Variants in WT1 observed in about 807,000 individuals in gnomAD.
WT1 encodes the protein WT1 transcription factor.
In WT1, 8 loss-of-function variants were observed where a neutral mutation model predicts 60.8. The ratio of observed to expected loss-of-function variants is 0.13; its 90% CI spans 0.08 to 0.24. The LOEUF (loss-of-function observed/expected upper bound fraction) is 0.24, where lower values mean the gene tolerates loss of function less well. Ranked by LOEUF, WT1 falls within the 10% of genes least tolerant of loss-of-function variation. The pLI, the probability that WT1 is intolerant of heterozygous loss-of-function variation, is 1.00. For synonymous variants in WT1, 312 were observed against 297.1 expected (o/e 1.05, Z -0.52); for missense variants, 568 against 711.8 (o/e 0.80, Z 2.30).
At chr11:32,408,514 TA>T (rs58685266) in intron 5 of WT1, among the ~76,000 whole-genome samples, 832 of 74,190 alleles carry the variant, frequency 0.011, 2 homozygotes, top group Non-Finnish European at 0.018. Flanking sequence ...GACTACGTCT[TA>T]AAAAAAAAAA....
rs767850636 is a variant in WT1 at position 32,392,751 on chromosome 11, C to T, written c.1269G>A (p.Glu423=). Residue 423 remains glutamate (E), a synonymous_variant, in exon 8 of 10, where the codon GAG becomes GAA. Transcript: ENST00000452863. ...CCTTGAAGTCACACTGGTATGGTTT[C>T]TCACCTTGGGGAAGACACATATTCT... The T allele has an allele frequency of 1.4e-5, 22 of 1,613,766 alleles. No individual in the cohort carries two copies. The African/African-American group carries it at 1.6e-4, about 12-fold the overall frequency.
chr11:32,408,514 TAAAAAAAAAAAAAA>T (rs58685266), intron 5 of WT1, among the ~76,000 whole-genome samples: 6 of 74,240 alleles, frequency 8.1e-5, no homozygotes, highest in Non-Finnish European at 1.4e-4. Flanking sequence ...GACTACGTCT[TAAAAAAAAAAAAAA>T]AAAAAAAAAA....
At chr11:32,430,752 G>A in intron 1 of WT1, 1 of 1,341,214 alleles carries the variant, frequency 7.5e-7, no homozygotes, top group South Asian at 2.3e-5. Context: ...AGACCTCGGC[G>A]GGCAAAGACC....
At chr11:32,415,270 T>A (rs1852628573) in intron 5 of WT1, among the ~76,000 whole-genome samples, 1 of 152,118 alleles carries the variant, frequency 6.6e-6, no homozygotes. Context: ...GTTATCAAGT[T>A]CTGAGGAGAG....
At chr11:32,420,474 C>A (rs1852819078) in intron 3 of WT1, among the ~76,000 whole-genome samples, 1 of 152,172 alleles carries the variant, frequency 6.6e-6, no homozygotes, top group South Asian at 2.1e-4. Context: ...TTAATTTGTT[C>A]TAACCTACCA....
At chr11:32,391,149 T>C (rs529609570) in intron 9 of WT1, among the ~76,000 whole-genome samples, 3 of 152,158 alleles carry the variant, frequency 2.0e-5, no homozygotes, top group Admixed American at 2.0e-4. Context: ...CATGCCCAGC[T>C]AGTTTTTGTA....
At chr11:32,430,546 G>A (rs1234815245) in intron 1 of WT1, 2 of 1,597,200 alleles carry the variant, frequency 1.3e-6, no homozygotes, top group Non-Finnish European at 1.7e-6. Flanking sequence ...CCATTCCTGA[G>A]CCCAGGAGTA....
At chr11:32,419,012 C>G (rs1448104562) in intron 3 of WT1, among the ~76,000 whole-genome samples, 3 of 152,144 alleles carry the variant, frequency 2.0e-5, no homozygotes, top group Admixed American at 6.5e-5. Context: ...CACTCATCCC[C>G]GTGTCTGACT....
At chr11:32,395,897 C>A (rs370361648) in intron 7 of WT1, among the ~76,000 whole-genome samples, 9 of 152,172 alleles carry the variant, frequency 5.9e-5, no homozygotes, top group African/African-American at 2.2e-4. Flanking sequence ...TGATCTTGCC[C>A]ATCGACCTCC....
At chr11:32,420,779 G>T (rs969311155) in intron 3 of WT1, among the ~76,000 whole-genome samples, 2 of 152,156 alleles carry the variant, frequency 1.3e-5, no homozygotes, top group South Asian at 2.1e-4. Context: ...AGAAAATGAC[G>T]ATGCTGCAAG....
At chr11:32,429,297 C>T (rs928463635) in intron 1 of WT1, among the ~76,000 whole-genome samples, 2 of 152,152 alleles carry the variant, frequency 1.3e-5, no homozygotes, top group African/African-American at 4.8e-5. Flanking sequence ...ACCCACCTTG[C>T]GCCCAGGGGT....
chr11:32,394,535 C>T (rs1046221383), intron 7 of WT1, among the ~76,000 whole-genome samples: 1 of 152,164 alleles, frequency 6.6e-6, no homozygotes, highest in Non-Finnish European at 1.5e-5. Context: ...AGGATTATAA[C>T]CTGCAGTTAA....
rs189692950 is a variant in WT1 at position 32,407,715 on chromosome 11, T to C, written c.1017-7671A>G. 5.0e-3 allele frequency among the ~76,000 whole-genome samples: 761 copies of C among 152,240 alleles called. 9 individuals are homozygous for C. The highest frequency in any genetic ancestry group is 0.017 in the African/African-American group (718 of 41,546). On this transcript the variant is annotated intron_variant, in intron 5 of 9. Transcript: ENST00000452863. ...GAGATGCTGAAATGCCTGATTCTTT[T>C]CAGTGTTGACAATAAACCCCGCTGC... is the stretch of plus-strand genomic sequence containing the variant.
chr11:32,390,435 T>C (rs1475178219), intron 9 of WT1, among the ~76,000 whole-genome samples: 1 of 152,070 alleles, frequency 6.6e-6, no homozygotes, highest in Non-Finnish European at 1.5e-5. Flanking sequence ...AATTATGAGC[T>C]CAGGACTAAG....
At chr11:32,393,978 G>A (rs1009250872) in intron 7 of WT1, among the ~76,000 whole-genome samples, 7 of 152,234 alleles carry the variant, frequency 4.6e-5, no homozygotes, top group Admixed American at 1.3e-4. Context: ...CTGCAGCCTC[G>A]AAACCGTGGG....
chr11:32,411,068 T>TACACAC lies in WT1; in HGVS notation c.1016+5416_1016+5421dup, dbSNP rs10525221. 3.2e-3 allele frequency among the ~76,000 whole-genome samples: 460 copies of TACACAC among 145,792 alleles called. 3 individuals carry two copies. The highest frequency in any genetic ancestry group is 0.011 in the African/African-American group (431 of 39,514). ...TCTGATGTAACCTCTCCCTCTCCAA[T>TACACAC]ACACACACACACACACACACACACA... On this transcript the variant is annotated intron_variant, in intron 5 of 9. Coordinates refer to ENST00000452863, the MANE Select transcript of WT1 (RefSeq NM_024426.6).
At chr11:32,394,464 C>G (rs1201736693) in intron 7 of WT1, among the ~76,000 whole-genome samples, 1 of 152,190 alleles carries the variant, frequency 6.6e-6, no homozygotes. Context: ...TGTACTCTCT[C>G]AGTCACTTTT....
chr11:32,410,409 T>A (rs191302524), intron 5 of WT1, among the ~76,000 whole-genome samples: 2 of 152,340 alleles, frequency 1.3e-5, no homozygotes, highest in Non-Finnish European at 2.9e-5. Flanking sequence ...CAGAACTCCA[T>A]GAAAGCATGA....
At chr11:32,396,151 G>T in intron 7 of WT1, 106 bp downstream of exon 7, 1 of 1,523,378 alleles carries the variant, frequency 6.6e-7, no homozygotes, top group Non-Finnish European at 9.1e-7. Flanking sequence ...TCAAAGCAGT[G>T]CTTACTTTCC....
Sources: allele counts gnomAD v4.1 joint callset (sites outside exome capture counted in the v4.1 genomes callset), GRCh38; gene constraint gnomAD v4.1.1; transcripts MANE v1.5; gene names NCBI Gene and HGNC (gene_info 2026-07-23, HGNC 2026-07-21).